The following SPTLC3 variants were observed in gnomAD, a reference collection of about 807,000 sequenced individuals.
SPTLC3 encodes the protein serine palmitoyltransferase long chain base subunit 3.
Under a neutral mutation model 59.3 loss-of-function variants are expected in SPTLC3, and 36 were observed. The observed-to-expected ratio is 0.61, with a 90% confidence interval of 0.47 to 0.80. The LOEUF (loss-of-function observed/expected upper bound fraction) is 0.80. SPTLC3 is among the 30% of genes least tolerant of loss of function. SPTLC3 has a pLI of 0.00. For synonymous variants in SPTLC3, 257 were observed against 240.8 expected, an observed-to-expected ratio of 1.07 and a Z score of -0.62; for missense variants, 625 against 685.1, an observed-to-expected ratio of 0.91 and a Z score of 0.98.
intron 9 of SPTLC3, among the ~76,000 whole-genome samples, chr20:13,130,800 G>A (rs1217913701): frequency 1.3e-5 from 2 of 152,220 alleles, no homozygotes; most frequent in Non-Finnish European, 2.9e-5. Context: ...AGCCCCTTAA[G>A]GGCAAGAAAT....
intron 7 of SPTLC3, among the ~76,000 whole-genome samples, chr20:13,115,222 C>T (rs80093021): frequency 0.024 from 3,651 of 152,238 alleles, 149 homozygotes; most frequent in African/African-American, 0.083. Context: ...TGGGAAAAGG[C>T]TCAATTCAAA....
intron 6 of SPTLC3, 38 bp downstream of exon 6, chr20:13,093,615 G>A (rs1989308916): frequency 6.4e-7 from 1 of 1,573,976 alleles, no homozygotes; most frequent in African/African-American, 1.3e-5. Flanking sequence ...GTACTGGATT[G>A]CTCCTAGAAG....
intron 1 of SPTLC3, among the ~76,000 whole-genome samples, chr20:13,010,991 C>T (rs646334): frequency 0.27 from 40,932 of 152,078 alleles, 9,507 homozygotes; most frequent in African/African-American, 0.64. Context: ...TCCCTAAGAA[C>T]GGTCGAAAAC....
intron 6 of SPTLC3, among the ~76,000 whole-genome samples, chr20:13,105,168 G>A (rs6078917): frequency 0.29 from 44,445 of 152,004 alleles, 7,217 homozygotes; most frequent in Middle Eastern, 0.39. Flanking sequence ...ACATGCCAGG[G>A]GCTAAGGTGG....
intron 7 of SPTLC3, among the ~76,000 whole-genome samples, chr20:13,111,176 G>A (rs1990212056): frequency 6.6e-6 from 1 of 152,068 alleles, no homozygotes; most frequent in Admixed American, 6.6e-5. Context: ...CATGGTTAGG[G>A]TTCTGGATGT....
intron 9 of SPTLC3, among the ~76,000 whole-genome samples, chr20:13,148,670 T>C (rs2038573031): frequency 6.6e-6 from 1 of 152,020 alleles, no homozygotes; most frequent in Admixed American, 6.5e-5. Flanking sequence ...GCCCTAGGGG[T>C]GGACCAGAAA....
intron 9 of SPTLC3, among the ~76,000 whole-genome samples, chr20:13,140,531 T>C: frequency 6.6e-6 from 1 of 152,272 alleles, no homozygotes; most frequent in South Asian, 2.1e-4. Flanking sequence ...TGATTCCGAT[T>C]AACATCACTT....
intron 1 of SPTLC3, among the ~76,000 whole-genome samples, chr20:13,047,871 GT>G (rs1987300563): frequency 6.6e-6 from 1 of 152,088 alleles, no homozygotes; most frequent in Non-Finnish European, 1.5e-5. Flanking sequence ...GTTGCTTTAT[GT>G]TTTTATGCAA....
At chr20:13,033,552 T>C (rs1600218716) in intron 1 of SPTLC3, among the ~76,000 whole-genome samples, 1 of 152,176 alleles carries the variant, frequency 6.6e-6, no homozygotes, top group African/African-American at 2.4e-5. Flanking sequence ...CTCAGTCTTA[T>C]GGCCACATTT....
chr20:13,091,545 C>G (rs1989220839), intron 5 of SPTLC3, among the ~76,000 whole-genome samples: 1 of 150,002 alleles, frequency 6.7e-6, no homozygotes, highest in Non-Finnish European at 1.5e-5. Context: ...TGCACTCTAG[C>G]CTGGTGACAG....
intron 9 of SPTLC3, among the ~76,000 whole-genome samples, chr20:13,149,334 G>A (rs976730933): frequency 6.6e-6 from 1 of 152,168 alleles, no homozygotes; most frequent in Non-Finnish European, 1.5e-5. Flanking sequence ...TGTACAAAAG[G>A]ACATGCACCA....
intron 9 of SPTLC3, among the ~76,000 whole-genome samples, chr20:13,132,477 C>T (rs1395676704): frequency 1.3e-5 from 2 of 151,968 alleles, no homozygotes; most frequent in Non-Finnish European, 2.9e-5. Flanking sequence ...CACCCAGCCG[C>T]TTTAATCTTT....
In SPTLC3 at chr20:13,104,449, T is replaced by C. The variant is rs567569336; in HGVS notation, c.827-5663T>C. Among the ~76,000 whole-genome samples, 369 of 152,314 alleles carry C rather than the reference T, an allele frequency of 2.4e-3. 2 individuals carry two copies. The highest frequency in any genetic ancestry group is 4.4e-3 in the Non-Finnish European group (299 of 68,034). On this transcript the variant is annotated intron_variant, in intron 6 of 11. Transcript: ENST00000399002. ...CTCTCTCGTCTGCCATCACGTAAGA[T>C]GTGCCTTTCCCCTTCCGCCATGATT...
At chr20:13,150,034 T>C (rs73087703) in intron 9 of SPTLC3, among the ~76,000 whole-genome samples, 4,099 of 152,316 alleles carry the variant, frequency 0.027, 74 homozygotes, top group African/African-American at 0.032. Flanking sequence ...AAGTGCTGAA[T>C]GCACACGGGG....
intron 4 of SPTLC3, among the ~76,000 whole-genome samples, chr20:13,090,009 T>G (rs1382056270): frequency 2.0e-5 from 3 of 152,180 alleles, no homozygotes; most frequent in Non-Finnish European, 2.9e-5. Context: ...TTACTTAAAA[T>G]AAAATAAAAT....
At chr20:13,094,470 C>T (rs1399964053) in intron 6 of SPTLC3, among the ~76,000 whole-genome samples, 1 of 152,130 alleles carries the variant, frequency 6.6e-6, no homozygotes, top group Non-Finnish European at 1.5e-5. Flanking sequence ...TACCACCTTT[C>T]TCTCCTGCCT....
At chr20:13,112,479 C>A (rs1394618215) in intron 7 of SPTLC3, among the ~76,000 whole-genome samples, 1 of 152,150 alleles carries the variant, frequency 6.6e-6, no homozygotes, top group Non-Finnish European at 1.5e-5. Context: ...TGAGGCCAGC[C>A]CCGATTCAAA....
chr20:13,061,424 C>T (rs867275938), intron 2 of SPTLC3, among the ~76,000 whole-genome samples: 1 of 152,190 alleles, frequency 6.6e-6, no homozygotes, highest in Non-Finnish European at 1.5e-5. Context: ...CTATTGTGCT[C>T]ATATACTTGG....
chr20:13,111,742 G>C (rs770780000), intron 7 of SPTLC3, among the ~76,000 whole-genome samples: 1 of 152,198 alleles, frequency 6.6e-6, no homozygotes, highest in Non-Finnish European at 1.5e-5. Context: ...CTGAGAGAGA[G>C]CAGACTGGGC....
Sources: gnomAD v4.1 joint callset for allele counts (sites outside exome capture counted in the v4.1 genomes callset) on GRCh38, gnomAD v4.1.1 for gene constraint, MANE v1.5 for transcripts, NCBI Gene and HGNC (gene_info 2026-07-23, HGNC 2026-07-21) for gene names.